The following EPM2A variants were observed in gnomAD, a reference collection of about 807,000 sequenced individuals.
The protein encoded by EPM2A is laforin.
Under a neutral mutation model 26.5 loss-of-function variants are expected in EPM2A, and 21 were observed. The observed-to-expected ratio is 0.79, with a 90% CI of 0.56 to 1.14. The LOEUF is 1.14. EPM2A is among the 50% of genes most tolerant of loss of function. The pLI is 0.00. For missense variants in EPM2A, 458 were observed against 440.8 expected (o/e 1.04, Z -0.35); for synonymous variants, 217 against 177.6 (o/e 1.22, Z -1.76).
At chr6:145,567,316 TTTTTA>T (rs1780897119) in intron 2 of EPM2A, among the ~76,000 whole-genome samples, 1 of 152,238 alleles carries the variant, frequency 6.6e-6, no homozygotes, top group Non-Finnish European at 1.5e-5. Flanking sequence ...TCTTCCATAT[TTTTTA>T]TACTGTCTTA....
chr6:145,669,325 T>C (rs1027794322), intron 2 of EPM2A, among the ~76,000 whole-genome samples: 4 of 152,214 alleles, frequency 2.6e-5, no homozygotes, highest in Non-Finnish European at 4.4e-5. Flanking sequence ...AAGTAATATA[T>C]GCATTTTGAC....
intron 2 of EPM2A, among the ~76,000 whole-genome samples, chr6:145,554,422 T>TGATAGATAGATA (rs34637179): frequency 1.9e-3 from 282 of 146,222 alleles, no homozygotes; most frequent in East Asian, 4.2e-3. Context: ...GATAGATAGA[T>TGATAGATAGATA]GATAGATAGA....
intron 2 of EPM2A, among the ~76,000 whole-genome samples, chr6:145,528,824 G>A (rs1328701389): frequency 6.6e-6 from 1 of 152,084 alleles, no homozygotes; most frequent in Admixed American, 6.6e-5. Flanking sequence ...TGATGGGTCT[G>A]GGGAAAGTAA....
At chr6:145,532,834 T>G (rs1780377586) in intron 2 of EPM2A, among the ~76,000 whole-genome samples, 1 of 152,166 alleles carries the variant, frequency 6.6e-6, no homozygotes, top group Admixed American at 6.5e-5. Context: ...CTTTTCAGGT[T>G]TCCTGGCTGC....
At chr6:145,387,151 C>T (rs967071729) in intron 4 of EPM2A, among the ~76,000 whole-genome samples, 1 of 152,222 alleles carries the variant, frequency 6.6e-6, no homozygotes, top group East Asian at 1.9e-4. Context: ...CTATGAGAAA[C>T]AGACAATTGT....
At chr6:145,616,810 G>C (rs1460989889) in intron 2 of EPM2A, among the ~76,000 whole-genome samples, 7 of 152,194 alleles carry the variant, frequency 4.6e-5, no homozygotes, top group Admixed American at 2.6e-4. Flanking sequence ...TAGCCCCTTT[G>C]ATTTGGCCAA....
At chr6:145,445,760 G>A (rs1055580453) in intron 4 of EPM2A, among the ~76,000 whole-genome samples, 6 of 152,086 alleles carry the variant, frequency 3.9e-5, no homozygotes, top group African/African-American at 1.4e-4. Flanking sequence ...GTTATAAAAA[G>A]TCTACTTTTG....
chr6:145,626,505 C>G lies in EPM2A; in HGVS notation c.*911G>C, dbSNP rs1037578576. The G allele has an allele frequency of 1.2e-5, 12 of 985,832 alleles. No homozygotes were observed. Among genetic ancestry groups the G allele is most frequent in the Non-Finnish European group, 1.4e-5 (12 of 829,908 alleles). The allele number at this position is 985,832 out of a possible 1,614,324, so 61.1% of individuals were successfully genotyped here. On this transcript the variant is annotated 3_prime_UTR_variant, in exon 4 of 4. Coordinates refer to ENST00000367519, the MANE Select transcript of EPM2A (RefSeq NM_005670.4). The stretch of plus-strand genomic sequence containing the variant: ...GATTCTTTGGCAACTGATCAGAATA[C>G]TATTCTATGTCTCGCTATAGAAACT...
At chr6:145,541,358 A>ATC (rs1004698785) in intron 2 of EPM2A, among the ~76,000 whole-genome samples, 7 of 151,448 alleles carry the variant, frequency 4.6e-5, no homozygotes, top group Admixed American at 4.0e-4. Flanking sequence ...ATATATATAT[A>ATC]TATGATCGGT....
rs201502982 is a variant in EPM2A at position 145,419,188 on chromosome 6, CCCCG to C, written c.556-35095_556-35092del. On this transcript the variant is annotated intron_variant, in intron 4 of 4. Coordinates refer to the EPM2A transcript ENST00000638717. ...GCAAATTCTGTTAAATGTCCCCCCCCCCCGCTCCTTTCCCCAGCAGCGCATGGCC... is the reference window on the plus strand; with the variant it reads ...GCAAATTCTGTTAAATGTCCCCCCCCCTCCTTTCCCCAGCAGCGCATGGCC... Among the ~76,000 whole-genome samples, 225 of 150,658 alleles carry C rather than the reference CCCCG, an allele frequency of 1.5e-3. 3 individuals are homozygous for C. Among genetic ancestry groups the C allele is most frequent in the African/African-American group, 5.0e-3 (208 of 41,192 alleles).
At chr6:145,669,697 C>T (rs1477250177) in intron 2 of EPM2A, among the ~76,000 whole-genome samples, 2 of 152,168 alleles carry the variant, frequency 1.3e-5, no homozygotes, top group Non-Finnish European at 2.9e-5. Flanking sequence ...ATAGAAAACC[C>T]TGGAAAAAGG....
chr6:145,498,849 C>T (rs1001782201), downstream of EPM2A, among the ~76,000 whole-genome samples: 4 of 152,206 alleles, frequency 2.6e-5, no homozygotes, highest in Admixed American at 6.5e-5. Flanking sequence ...TTTATCCACT[C>T]ATTCACTAAT....
At chr6:145,710,526 CT>C (rs1446927148) in intron 1 of EPM2A, among the ~76,000 whole-genome samples, 9 of 152,168 alleles carry the variant, frequency 5.9e-5, no homozygotes, top group Non-Finnish European at 8.8e-5. Flanking sequence ...GTTGGTGGGA[CT>C]GTAAACTAGT....
intron 2 of EPM2A, among the ~76,000 whole-genome samples, chr6:145,524,889 C>T (rs1343318041): frequency 1.3e-5 from 2 of 151,814 alleles, no homozygotes; most frequent in East Asian, 1.9e-4. Context: ...TTCTAAGATT[C>T]TTACAATTTG....
chr6:145,448,053 C>G (rs533344461), intron 4 of EPM2A, among the ~76,000 whole-genome samples: 2 of 152,100 alleles, frequency 1.3e-5, no homozygotes, highest in South Asian at 4.2e-4. Flanking sequence ...CAATTACTGC[C>G]TAATTCTTCA....
intron 4 of EPM2A, among the ~76,000 whole-genome samples, chr6:145,402,533 A>G (rs143410974): frequency 2.0e-5 from 3 of 152,282 alleles, no homozygotes; most frequent in Admixed American, 6.5e-5. Context: ...GTGATGTAGT[A>G]CCAATATTAA....
At chr6:145,446,813 G>A (rs557692087) in intron 4 of EPM2A, among the ~76,000 whole-genome samples, 15 of 152,158 alleles carry the variant, frequency 9.9e-5, no homozygotes, top group Non-Finnish European at 1.5e-4. Context: ...ATTGTACACA[G>A]TATGTCAGGT....
intron 4 of EPM2A, among the ~76,000 whole-genome samples, chr6:145,485,879 AT>A (rs1779664832): frequency 6.6e-6 from 1 of 152,142 alleles, no homozygotes; most frequent in Non-Finnish European, 1.5e-5. Context: ...GTAAAGGGGG[AT>A]TCCCCTTATA....
chr6:145,586,461 G>A (rs1416786670), intron 2 of EPM2A, among the ~76,000 whole-genome samples: 2 of 152,128 alleles, frequency 1.3e-5, no homozygotes, highest in Admixed American at 1.3e-4. Context: ...AGGTTTAATA[G>A]CAGGATACTG....
Sources: gnomAD v4.1 joint callset for allele counts (sites outside exome capture counted in the v4.1 genomes callset) on GRCh38, gnomAD v4.1.1 for gene constraint, MANE v1.5 for transcripts, NCBI Gene and HGNC (gene_info 2026-07-23, HGNC 2026-07-21) for gene names.